The following GRID2 variants were observed in gnomAD, a reference collection of about 807,000 sequenced individuals.
The protein encoded by GRID2 is glutamate ionotropic receptor delta type subunit 2.
Under a neutral mutation model 114.8 loss-of-function variants are expected in GRID2, and 33 were observed. That is an observed-to-expected ratio of 0.29 (90% CI 0.22 to 0.38). The LOEUF is 0.38. GRID2 is among the 10% of genes least tolerant of loss of function. The pLI is 1.00. For missense variants in GRID2, 1,184 were observed against 1,257.7 expected (o/e 0.94, Z 0.89); for synonymous variants, 505 against 449.9 (o/e 1.12, Z -1.55).
In GRID2 at chr4:92,830,471, G is replaced by A. The variant is rs115633100; in HGVS notation, c.244+240185G>A. Among the ~76,000 whole-genome samples, 632 of 151,938 alleles carry A rather than the reference G, an allele frequency of 4.2e-3. 8 individuals are homozygous for A. Among genetic ancestry groups the A allele is most frequent in the African/African-American group, 0.014 (596 of 41,476 alleles). On this transcript the variant is annotated intron_variant, in intron 2 of 15. Coordinates refer to ENST00000282020, the MANE Select transcript of GRID2 (RefSeq NM_001510.4). ...GTACCACTTTGCTTTATGTTCCAAG[G>A]CATTCACTGTCTTCTAGATATTTTT...
At chr4:93,411,845 C>T (rs1767168215) in intron 9 of GRID2, among the ~76,000 whole-genome samples, 1 of 151,744 alleles carries the variant, frequency 6.6e-6, no homozygotes, top group South Asian at 2.1e-4. Context: ...ATGTAATTCC[C>T]AGCCTTCTAA....
chr4:93,701,903 C>G (rs1727544356), intron 14 of GRID2, among the ~76,000 whole-genome samples: 1 of 151,704 alleles, frequency 6.6e-6, no homozygotes, highest in African/African-American at 2.4e-5. Flanking sequence ...ACAAAAGCAA[C>G]CTACATATTT....
chr4:92,816,185 C>T (rs994158397), intron 2 of GRID2, among the ~76,000 whole-genome samples: 32 of 150,966 alleles, frequency 2.1e-4, no homozygotes, highest in Admixed American at 1.1e-3. Context: ...TGTGGTGGCA[C>T]ATGCGTGCAA....
chr4:93,045,216 G>C (rs977319366), intron 2 of GRID2, among the ~76,000 whole-genome samples: 1 of 152,034 alleles, frequency 6.6e-6, no homozygotes, highest in Non-Finnish European at 1.5e-5. Flanking sequence ...AGGCAACCCC[G>C]CAGATAGACA....
chr4:93,081,332 T>A (rs1050165813), intron 2 of GRID2, among the ~76,000 whole-genome samples: 44 of 152,246 alleles, frequency 2.9e-4, no homozygotes, highest in Non-Finnish European at 3.7e-4. Flanking sequence ...TTATGCATTT[T>A]ATTTTTAATC....
At chr4:92,669,395 G>T (rs988028024) in intron 2 of GRID2, among the ~76,000 whole-genome samples, 1 of 151,860 alleles carries the variant, frequency 6.6e-6, no homozygotes, top group Non-Finnish European at 1.5e-5. Flanking sequence ...GCGTGGTAGG[G>T]TACCTGAGCA....
chr4:92,988,601 C>T (rs1416758190), intron 2 of GRID2, among the ~76,000 whole-genome samples: 1 of 152,034 alleles, frequency 6.6e-6, no homozygotes, highest in Non-Finnish European at 1.5e-5. Flanking sequence ...CTACAGGCTG[C>T]TTATCATGGT....
At chr4:93,162,074 T>G (rs1227092495) in intron 4 of GRID2, among the ~76,000 whole-genome samples, 1 of 151,732 alleles carries the variant, frequency 6.6e-6, no homozygotes, top group Non-Finnish European at 1.5e-5. Flanking sequence ...CAGTTGAGGT[T>G]TTTCTCATGA....
chr4:92,623,195 A>G lies in GRID2; in HGVS notation c.244+32909A>G, dbSNP rs560558113. 2.0e-5 allele frequency among the ~76,000 whole-genome samples: 3 copies of G among 151,758 alleles called. 1 individual carries two copies. The South Asian group carries it at 6.2e-4, about 31-fold the overall frequency. On this transcript the variant is annotated intron_variant, in intron 2 of 15. Transcript: ENST00000282020. ...TCACCTGCATTAGTTTATGTACATCAAGGCAATATGTTCAATTAATATTGT... is the reference window on the plus strand; with the variant it reads ...TCACCTGCATTAGTTTATGTACATCGAGGCAATATGTTCAATTAATATTGT...
chr4:93,544,687 T>C (rs557474638), intron 13 of GRID2, among the ~76,000 whole-genome samples: 1 of 148,910 alleles, frequency 6.7e-6, no homozygotes, highest in South Asian at 2.1e-4. Flanking sequence ...TGAGGCAAGA[T>C]AATTGCTTGA....
chr4:93,690,287 A>T (rs1578579296), intron 14 of GRID2, among the ~76,000 whole-genome samples: 1 of 152,012 alleles, frequency 6.6e-6, no homozygotes, highest in Non-Finnish European at 1.5e-5. Context: ...GCACAATAAG[A>T]TAACTTCTGA....
At chr4:92,742,747 T>C (rs943124321) in intron 2 of GRID2, among the ~76,000 whole-genome samples, 3 of 152,184 alleles carry the variant, frequency 2.0e-5, no homozygotes. Context: ...GGAACTTTCA[T>C]CCTCACAGCA....
intron 8 of GRID2, among the ~76,000 whole-genome samples, chr4:93,281,857 C>G (rs1268152219): frequency 1.3e-5 from 2 of 151,860 alleles, no homozygotes; most frequent in Non-Finnish European, 2.9e-5. Context: ...GAAATAACAG[C>G]AAGTTACAAC....
intron 1 of GRID2, among the ~76,000 whole-genome samples, chr4:92,482,046 C>G (rs1182795078): frequency 9.4e-6 from 1 of 106,228 alleles, no homozygotes; most frequent in South Asian, 3.1e-4. Context: ...AATAACAATA[C>G]AAGCTTATAG....
intron 2 of GRID2, among the ~76,000 whole-genome samples, chr4:93,040,141 A>G (rs537346900): frequency 5.0e-4 from 76 of 152,256 alleles, no homozygotes; most frequent in Middle Eastern, 3.4e-3. Flanking sequence ...TGTGTATAGG[A>G]TAGATAGAGC....
chr4:92,570,819 A>C (rs1727574883), intron 1 of GRID2, among the ~76,000 whole-genome samples: 1 of 152,034 alleles, frequency 6.6e-6, no homozygotes, highest in Non-Finnish European at 1.5e-5. Context: ...ACTTTGCTAA[A>C]ATTGTGTATC....
intron 8 of GRID2, among the ~76,000 whole-genome samples, chr4:93,243,535 C>T (rs1399544881): frequency 6.6e-6 from 1 of 151,968 alleles, no homozygotes; most frequent in Non-Finnish European, 1.5e-5. Flanking sequence ...AGACTGCAGC[C>T]TTATCACCTC....
At chr4:92,551,253 CCT>C (rs1491366460) in intron 1 of GRID2, among the ~76,000 whole-genome samples, 2 of 119,318 alleles carry the variant, frequency 1.7e-5, no homozygotes, top group African/African-American at 3.1e-5. Flanking sequence ...TACATCTACA[CCT>C]GTGTGTGTGT....
chr4:93,712,056 T>A (rs1728533363), intron 14 of GRID2, among the ~76,000 whole-genome samples: 1 of 152,154 alleles, frequency 6.6e-6, no homozygotes. Flanking sequence ...TCCTTTGTTG[T>A]TTTCATGTGT....
Sources: allele counts gnomAD v4.1 joint callset (sites outside exome capture counted in the v4.1 genomes callset), GRCh38; gene constraint gnomAD v4.1.1; transcripts MANE v1.5; gene names NCBI Gene and HGNC (gene_info 2026-07-23, HGNC 2026-07-21).